Variants in SERPINB8 observed in about 807,000 individuals in gnomAD.
The protein encoded by SERPINB8 is serpin B8.
SERPINB8 carries 25 observed loss-of-function variants against 35.3 expected under a neutral mutation model. The ratio of observed to expected loss-of-function variants is 0.71; its 90% CI spans 0.52 to 0.99. The LOEUF is 0.99. Among genes scored for constraint, SERPINB8 ranks in the 50% least tolerant of loss-of-function variants. The pLI is 0.00. For missense variants in SERPINB8, 484 were observed against 446.5 expected (o/e 1.08, Z -0.76); for synonymous variants, 186 against 160.8 (o/e 1.16, Z -1.19).
At chr18:63,997,331 C>A (rs137981812) in intron 1 of SERPINB8, among the ~76,000 whole-genome samples, 154 of 152,270 alleles carry the variant, frequency 1.0e-3, no homozygotes, top group Middle Eastern at 3.4e-3. Context: ...AGAGTATTCT[C>A]TAGTGAATGA....
rs1200162956 is a variant in SERPINB8, at chr18:63,983,650, T to A, written c.496T>A (p.Tyr166Asn). The change falls in exon 5 of 7, where the codon TAT becomes AAT. Residue 166 changes from tyrosine to asparagine, a missense_variant. By Grantham distance (143) the Tyr-to-Asn change is moderately radical (BLOSUM62 -2). Coordinates refer to ENST00000397985, the MANE Select transcript of SERPINB8 (RefSeq NM_002640.4). ...AAAGCTGGTCCTTGTGAATGCCATTTATTTCAAGGGAAAGTGGAATGAGCA... is the reference window on the plus strand; with the variant it reads ...AAAGCTGGTCCTTGTGAATGCCATTAATTTCAAGGGAAAGTGGAATGAGCA... Reference protein sequence around the residue: ...LTKLVLVNAIYFKGKWNEQFD... With the variant: ...LTKLVLVNAINFKGKWNEQFD... 1 of 1,613,810 alleles carries A rather than the reference T, an allele frequency of 6.2e-7. No homozygotes were observed. Among genetic ancestry groups the A allele is most frequent in the African/African-American group, 1.3e-5 (1 of 74,932 alleles).
rs370135586 is a variant in SERPINB8 at position 63,972,588 on chromosome 18, T to C, written c.-11+2418T>C. On this transcript the variant is annotated intron_variant, in intron 1 of 6. Transcript: ENST00000397985. ...GAGCCATGTTGGTTTGCCGCACCCA[T>C]CAACTAGTCATTTACATTAGGTATT... Among the ~76,000 whole-genome samples the C allele has an allele frequency of 3.9e-4, 59 of 152,268 alleles. No homozygotes were observed. In the South Asian group the frequency reaches 0.012, roughly 30 times the overall value.
intron 1 of SERPINB8, 174 bp downstream of exon 1, chr18:63,970,344 G>T: frequency 5.7e-6 from 1 of 176,630 alleles, no homozygotes; most frequent in Non-Finnish European, 1.2e-5. Flanking sequence ...GAGGCGGCCG[G>T]GAAAGAGAGT....
chr18:63,978,304 C>T lies in SERPINB8; in HGVS notation c.-5C>T, dbSNP rs368417891. The T allele has an allele frequency of 3.8e-5, 61 of 1,614,058 alleles. No homozygotes were observed. Among genetic ancestry groups the T allele is most frequent in the Non-Finnish European group, 5.2e-5 (61 of 1,180,040 alleles). ...CTGCTGTGCCTTTGATGCAGACCTT[C>T]TCTGATGGATGACCTCTGTGAAGCA... is the stretch of plus-strand genomic sequence containing the variant. On this transcript the variant is annotated 5_prime_UTR_variant, in exon 2 of 7. Transcript: ENST00000397985.
intron 1 of SERPINB8, among the ~76,000 whole-genome samples, chr18:63,973,988 A>G (rs899840418): frequency 1.3e-5 from 2 of 152,136 alleles, no homozygotes; most frequent in African/African-American, 4.8e-5. Context: ...TTGGTTCCAT[A>G]TGAACTTTAA....
intron 6 of SERPINB8, chr18:63,986,525 A>G (rs1398675423): frequency 7.4e-7 from 1 of 1,345,408 alleles, no homozygotes; most frequent in Non-Finnish European, 9.5e-7. Flanking sequence ...TCCCACTCAC[A>G]GTAGTATGTA....
chr18:63,979,972 T>G, intron 3 of SERPINB8, 34 bp downstream of exon 3: 2 of 1,608,762 alleles, frequency 1.2e-6, no homozygotes, highest in Non-Finnish European at 1.7e-6. Flanking sequence ...GACAAAGAAA[T>G]TGAAAGTAAG....
At chr18:63,972,645 C>A (rs1032138739) in intron 1 of SERPINB8, among the ~76,000 whole-genome samples, 1 of 149,796 alleles carries the variant, frequency 6.7e-6, no homozygotes, top group African/African-American at 2.5e-5. Flanking sequence ...ACATCCCCCC[C>A]GCCCACCCCA....
At chr18:64,013,597 G>T (rs2050935937) in intron 7 of SERPINB8, among the ~76,000 whole-genome samples, 2 of 152,156 alleles carry the variant, frequency 1.3e-5, no homozygotes, top group African/African-American at 4.8e-5. Context: ...ATAAGCAAAA[G>T]AGATGCAAAA....
chr18:64,008,274 G>A (rs28715193), downstream of SERPINB8, among the ~76,000 whole-genome samples: 3 of 151,888 alleles, frequency 2.0e-5, no homozygotes, highest in African/African-American at 7.3e-5. Flanking sequence ...ACAGAGTCTC[G>A]CTCTGTCACT....
intron 1 of SERPINB8, among the ~76,000 whole-genome samples, chr18:64,001,109 C>T (rs1453627425): frequency 1.3e-5 from 2 of 152,148 alleles, no homozygotes; most frequent in African/African-American, 4.8e-5. Context: ...TAGTATGTTG[C>T]ACATTTTACC....
At chr18:63,997,849 C>T (rs1422251733) in intron 1 of SERPINB8, among the ~76,000 whole-genome samples, 1 of 152,192 alleles carries the variant, frequency 6.6e-6, no homozygotes, top group African/African-American at 2.4e-5. Context: ...CACCAGAGAG[C>T]TCCCTATGCT....
chr18:63,983,494 G>C, intron 4 of SERPINB8, 85 bp from the exon 5 acceptor site: 2 of 1,312,584 alleles, frequency 1.5e-6, no homozygotes, highest in Non-Finnish European at 2.2e-6. Context: ...TCTCAACCAA[G>C]CCTCTGCCTT....
At chr18:63,971,292 C>T (rs76292528) in intron 1 of SERPINB8, among the ~76,000 whole-genome samples, 4,921 of 152,308 alleles carry the variant, frequency 0.032, 254 homozygotes, top group African/African-American at 0.11. Flanking sequence ...TTCATCCATT[C>T]TCATGGAACC....
At chr18:63,982,118 T>C (rs1282035716) in intron 4 of SERPINB8, among the ~76,000 whole-genome samples, 1 of 152,206 alleles carries the variant, frequency 6.6e-6, no homozygotes, top group African/African-American at 2.4e-5. Flanking sequence ...CTGTTAATCT[T>C]CTATCTGAGA....
Position 63,986,968 on chromosome 18 carries a change from A to G in SERPINB8, c.815A>G (p.Lys272Arg). The G allele has an allele frequency of 6.2e-7, 1 of 1,614,232 alleles. No homozygotes were observed. The highest frequency in any genetic ancestry group is 8.5e-7 in the Non-Finnish European group (1 of 1,180,046). The change falls in exon 7 of 7, where the codon AAG becomes AGG. Residue 272 changes from lysine (K) to arginine (R), a missense_variant. Transcript: ENST00000397985. ...SKVQVFLPRL[K>R]LEESYDLEPF... is the part of the protein sequence containing the mutation. ...GTTCAAGTTTTCCTTCCCAGATTAA[A>G]GCTGGAGGAGAGTTATGACTTGGAG...
intron 1 of SERPINB8, among the ~76,000 whole-genome samples, chr18:64,004,433 A>C (rs1244005093): frequency 6.6e-6 from 1 of 152,194 alleles, no homozygotes. Flanking sequence ...GCAATTAAAT[A>C]ATTACAATAA....
At chr18:64,019,617 A>G (rs2144856246) in exon 8 of SERPINB8, 1 of 152,076 alleles carries the variant, frequency 6.6e-6, no homozygotes, top group East Asian at 1.9e-4. Context: ...ATACTACACT[A>G]CGCTGTTAAG....
chr18:63,983,157 C>T (rs2050698429), intron 4 of SERPINB8, among the ~76,000 whole-genome samples: 1 of 152,034 alleles, frequency 6.6e-6, no homozygotes, highest in African/African-American at 2.4e-5. Context: ...AAGACAGCCC[C>T]CATAACAAAG....
Sources: gnomAD v4.1 joint callset for allele counts (sites outside exome capture counted in the v4.1 genomes callset) on GRCh38, gnomAD v4.1.1 for gene constraint, MANE v1.5 for transcripts, NCBI Gene and HGNC (gene_info 2026-07-23, HGNC 2026-07-21) for gene names.